Variants in NTM observed in about 807,000 individuals in gnomAD.
NTM encodes the protein IgLON family member 2.
In NTM, 13 loss-of-function variants were observed where a neutral mutation model predicts 42.1. The observed-to-expected ratio is 0.31, with a 90% CI of 0.20 to 0.49. NTM has a LOEUF of 0.49. NTM is among the 20% of genes least tolerant of loss of function. The pLI, the probability that NTM is intolerant of heterozygous loss-of-function variation, is 0.99. For synonymous variants in NTM, 187 were observed against 179.2 expected (o/e 1.04, Z -0.35); for missense variants, 373 against 452.8 (o/e 0.82, Z 1.60).
rs553592370 is a variant in NTM, at chr11:131,450,442, C to T, written c.82+79554C>T. ...TCCCTGAGCCCATTCCGCCTGGGACCCTTCTCCCTTTTTTATTTGATGAAT... is the reference window on the plus strand; with the variant it reads ...TCCCTGAGCCCATTCCGCCTGGGACTCTTCTCCCTTTTTTATTTGATGAAT... On this transcript the variant is annotated intron_variant, in intron 1 of 8. Coordinates refer to ENST00000683400, the MANE Select transcript of NTM (RefSeq NM_001352005.2). Among the ~76,000 whole-genome samples, 4 of 152,240 alleles carry T rather than the reference C, an allele frequency of 2.6e-5. No homozygotes were observed. The South Asian group carries it at 8.3e-4, about 32-fold the overall frequency.
At chr11:131,612,924 GT>G (rs1381989595) in intron 1 of NTM, among the ~76,000 whole-genome samples, 3 of 152,156 alleles carry the variant, frequency 2.0e-5, no homozygotes, top group Non-Finnish European at 4.4e-5. Context: ...TGGCAGTTTT[GT>G]AATAGTCACA....
chr11:131,460,817 G>C (rs529937044), intron 1 of NTM, among the ~76,000 whole-genome samples: 16 of 152,330 alleles, frequency 1.1e-4, no homozygotes, highest in Admixed American at 1.3e-4. Context: ...GCCTCCCAAA[G>C]TGCTGGAATT....
rs534496566 is a variant in NTM at position 132,314,990 on chromosome 11, A to G, written c.934+287A>G. On this transcript the variant is annotated intron_variant, in intron 7 of 8. Coordinates refer to ENST00000683400, the MANE Select transcript of NTM (RefSeq NM_001352005.2). ...GTAGATCTCAGAAGTGGGAAAAGGA[A>G]AATGAAAAAGAATGTTCATGTTTCA... 6.0e-6 allele frequency: 7 copies of G among 1,175,358 alleles called. No homozygotes were observed. The East Asian group carries it at 2.2e-4, about 37-fold the overall frequency. 72.8% of individuals were successfully genotyped at this position (1,175,358 alleles called of 1,614,324 possible).
chr11:132,194,333 G>T (rs1421047578), intron 3 of NTM, among the ~76,000 whole-genome samples: 3 of 151,988 alleles, frequency 2.0e-5, no homozygotes, highest in African/African-American at 7.2e-5. Flanking sequence ...CAACAAATGT[G>T]TTTCACTAAA....
chr11:131,610,775 G>A (rs2061405606), intron 1 of NTM, among the ~76,000 whole-genome samples: 1 of 152,166 alleles, frequency 6.6e-6, no homozygotes, highest in Non-Finnish European at 1.5e-5. Flanking sequence ...GGATGCTTGA[G>A]TTGGTGGGAG....
intron 3 of NTM, among the ~76,000 whole-genome samples, chr11:132,169,320 C>CTGTTTTTTTTT (rs2075775223): frequency 3.1e-5 from 1 of 32,358 alleles, no homozygotes. Flanking sequence ...AATTTTTTTA[C>CTGTTTTTTTTT]TTTTTTTTTT....
chr11:131,728,981 G>A (rs929364143), intron 1 of NTM, among the ~76,000 whole-genome samples: 2 of 152,134 alleles, frequency 1.3e-5, no homozygotes, highest in African/African-American at 2.4e-5. Flanking sequence ...TATCACAAAT[G>A]ATATATGGTA....
chr11:132,320,717 G>C (rs1323232651), intron 7 of NTM, among the ~76,000 whole-genome samples: 1 of 151,994 alleles, frequency 6.6e-6, no homozygotes, highest in Non-Finnish European at 1.5e-5. Context: ...TCCACCTCTG[G>C]GGGCAGGGCA....
intron 4 of NTM, among the ~76,000 whole-genome samples, chr11:132,264,587 A>G (rs1591615042): frequency 6.6e-6 from 1 of 152,296 alleles, no homozygotes; most frequent in Non-Finnish European, 1.5e-5. Context: ...GCATTTATAC[A>G]TACACTGTAT....
intron 1 of NTM, among the ~76,000 whole-genome samples, chr11:131,694,056 G>T (rs898515269): frequency 1.3e-5 from 2 of 152,126 alleles, no homozygotes; most frequent in African/African-American, 4.8e-5. Context: ...CCCGACTTTC[G>T]TTTTCTCCTC....
intron 1 of NTM, among the ~76,000 whole-genome samples, chr11:131,887,316 A>T (rs964058324): frequency 6.6e-6 from 1 of 152,234 alleles, no homozygotes. Context: ...AAATGAAAAG[A>T]CTGAGTGCCT....
intron 1 of NTM, among the ~76,000 whole-genome samples, chr11:131,400,032 C>G (rs941213690): frequency 6.6e-6 from 1 of 151,938 alleles, no homozygotes; most frequent in Non-Finnish European, 1.5e-5. Context: ...ATGTATGGGG[C>G]CTGATTGCCC....
intron 1 of NTM, among the ~76,000 whole-genome samples, chr11:131,384,563 A>AAG (rs10564193): frequency 6.6e-6 from 1 of 150,910 alleles, no homozygotes; most frequent in Admixed American, 6.6e-5. Flanking sequence ...TTCTAATTTA[A>AAG]AGAGAGAGAG....
chr11:131,611,118 G>C (rs866858567), intron 1 of NTM, among the ~76,000 whole-genome samples: 1 of 152,158 alleles, frequency 6.6e-6, no homozygotes, highest in Admixed American at 6.5e-5. Flanking sequence ...TGTAGGAAGA[G>C]GCATCGGGGA....
At chr11:132,208,122 T>C (rs938365284) in intron 3 of NTM, among the ~76,000 whole-genome samples, 5 of 152,216 alleles carry the variant, frequency 3.3e-5, no homozygotes, top group African/African-American at 4.8e-5. Flanking sequence ...AGAAGTCAGA[T>C]ATAGAATGTA....
At chr11:132,028,933 GT>G (rs1396001429) in intron 2 of NTM, among the ~76,000 whole-genome samples, 2 of 152,214 alleles carry the variant, frequency 1.3e-5, no homozygotes, top group East Asian at 3.9e-4. Flanking sequence ...GTCTCCCAAA[GT>G]CTGGAGCTCT....
rs141539738 is a variant in NTM, at chr11:131,633,788, T to TCTCTCA, written c.82+262901_82+262902insTCTCAC. 2.2e-4 allele frequency among the ~76,000 whole-genome samples: 12 copies of TCTCTCA among 55,138 alleles called. No homozygotes were observed. The South Asian group carries it at 2.8e-3, about 13-fold the overall frequency. The allele number at this position is 55,138 out of a possible 152,430, so 36.2% of individuals were successfully genotyped here. ...CTCCCTCTCTCTCTCTCTCTCTCTCTCACACACACACACACACAGCCATAC... is the reference window on the plus strand; with the variant it reads ...CTCCCTCTCTCTCTCTCTCTCTCTCTCTCTCACACACACACACACACACAGCCATAC... On this transcript the variant is annotated intron_variant, in intron 1 of 8. Transcript: ENST00000683400.
At chr11:131,624,634 A>G (rs1228559354) in intron 1 of NTM, among the ~76,000 whole-genome samples, 2 of 152,192 alleles carry the variant, frequency 1.3e-5, no homozygotes, top group Non-Finnish European at 2.9e-5. Context: ...TGTATTACTC[A>G]TAGCACTTAA....
chr11:132,309,187 A>G (rs1343224607), intron 5 of NTM, among the ~76,000 whole-genome samples: 1 of 152,192 alleles, frequency 6.6e-6, no homozygotes, highest in African/African-American at 2.4e-5. Context: ...TAGCCAGTTT[A>G]TTGTGGCTGT....
Sources: gnomAD v4.1 joint callset for allele counts (sites outside exome capture counted in the v4.1 genomes callset) on GRCh38, gnomAD v4.1.1 for gene constraint, MANE v1.5 for transcripts, NCBI Gene and HGNC (gene_info 2026-07-23, HGNC 2026-07-21) for gene names.